Variants in UST observed in about 807,000 individuals in gnomAD.
UST encodes the protein chondroitin sulfate 2-O-sulfotransferase.
A neutral mutation model predicts 45.6 loss-of-function variants in UST; 21 were observed. The ratio of observed to expected loss-of-function variants is 0.46; its 90% CI spans 0.33 to 0.66. The LOEUF is 0.66. UST is among the 30% of genes least tolerant of loss of function. UST has a pLI of 0.02. For synonymous variants in UST, 215 were observed against 200.6 expected, an observed-to-expected ratio of 1.07 and a Z score of -0.61; for missense variants, 463 against 512.4, an observed-to-expected ratio of 0.90 and a Z score of 0.93.
chr6:148,822,852 G>C (rs1208922565), intron 1 of UST, among the ~76,000 whole-genome samples: 3 of 152,152 alleles, frequency 2.0e-5, no homozygotes, highest in African/African-American at 4.8e-5. Context: ...AAACATTTCT[G>C]TGTGTGTGTA....
chr6:149,015,430 G>A (rs773921964), intron 5 of UST, among the ~76,000 whole-genome samples: 14 of 152,126 alleles, frequency 9.2e-5, no homozygotes, highest in Middle Eastern at 3.2e-3. Flanking sequence ...GGGGTCTTAT[G>A]TTAAGACCCA....
chr6:149,063,586 A>G (rs1776688821), intron 7 of UST, among the ~76,000 whole-genome samples: 1 of 152,216 alleles, frequency 6.6e-6, no homozygotes, highest in South Asian at 2.1e-4. Context: ...CTCGCTAAGG[A>G]CCCAGCATTT....
intron 1 of UST, among the ~76,000 whole-genome samples, chr6:148,884,234 A>G (rs1217357071): frequency 1.3e-5 from 2 of 152,122 alleles, no homozygotes; most frequent in Non-Finnish European, 2.9e-5. Context: ...AGATTTTGGT[A>G]TAAAGAGTTA....
intron 3 of UST, among the ~76,000 whole-genome samples, chr6:148,949,533 A>T (rs1034011916): frequency 6.6e-6 from 1 of 152,008 alleles, no homozygotes; most frequent in South Asian, 2.1e-4. Flanking sequence ...TGATGGTGTT[A>T]TGTCCTGGAT....
At chr6:148,938,891 AAAAG>A in intron 2 of UST, among the ~76,000 whole-genome samples, 1 of 152,030 alleles carries the variant, frequency 6.6e-6, no homozygotes, top group East Asian at 1.9e-4. Flanking sequence ...TTAGAAAGGA[AAAAG>A]AAAGGAAAGA....
chr6:149,003,439 CAAAACAA>C (rs1012759237), intron 5 of UST, among the ~76,000 whole-genome samples: 11 of 129,164 alleles, frequency 8.5e-5, no homozygotes, highest in Non-Finnish European at 1.5e-4. Flanking sequence ...TGGTAAAAAA[CAAAACAA>C]AAAAAAAAAA....
chr6:148,769,577 C>A (rs1409810396), intron 1 of UST, among the ~76,000 whole-genome samples: 1 of 152,198 alleles, frequency 6.6e-6, no homozygotes, highest in Non-Finnish European at 1.5e-5. Flanking sequence ...TCTATAACAC[C>A]ACCATCAAAT....
chr6:148,877,760 G>A (rs1325803013), intron 1 of UST, among the ~76,000 whole-genome samples: 9 of 141,084 alleles, frequency 6.4e-5, no homozygotes, highest in African/African-American at 2.2e-4. Flanking sequence ...GTATGAGTGT[G>A]AGGGGTCATG....
intron 5 of UST, among the ~76,000 whole-genome samples, chr6:148,979,339 C>T: frequency 6.6e-6 from 1 of 152,160 alleles, no homozygotes; most frequent in Non-Finnish European, 1.5e-5. Flanking sequence ...TGAAAAACAA[C>T]TGGAGGCTTA....
intron 4 of UST, among the ~76,000 whole-genome samples, chr6:148,956,803 A>C (rs1437039568): frequency 6.6e-6 from 1 of 152,210 alleles, no homozygotes; most frequent in East Asian, 1.9e-4. Flanking sequence ...GGACTTCTGC[A>C]GTCAACATTA....
chr6:148,849,061 TTCC>T, intron 1 of UST, among the ~76,000 whole-genome samples: 2 of 152,282 alleles, frequency 1.3e-5, no homozygotes, highest in South Asian at 4.2e-4. Flanking sequence ...TAATTTGCCC[TTCC>T]TCCTCCTTTT....
intron 5 of UST, among the ~76,000 whole-genome samples, chr6:148,994,065 G>A (rs904911775): frequency 1.3e-4 from 18 of 139,846 alleles, no homozygotes; most frequent in African/African-American, 4.6e-4. Flanking sequence ...TGCCTCCCAA[G>A]TTCAAGCGAT....
At chr6:148,913,911 A>G (rs944766562) in intron 2 of UST, among the ~76,000 whole-genome samples, 1 of 152,202 alleles carries the variant, frequency 6.6e-6, no homozygotes, top group African/African-American at 2.4e-5. Context: ...TTACCAACTT[A>G]TGGTGCTAGG....
At chr6:148,809,126 C>G (rs765024777) in intron 1 of UST, among the ~76,000 whole-genome samples, 36 of 152,374 alleles carry the variant, frequency 2.4e-4, no homozygotes, top group Non-Finnish European at 4.4e-4. Context: ...GTCACCAACT[C>G]AAACCTCAGC....
chr6:148,953,771 C>CAACA, intron 3 of UST, 101 bp from the exon 4 acceptor site: 2 of 261,886 alleles, frequency 7.6e-6, no homozygotes, highest in Non-Finnish European at 1.2e-5. Flanking sequence ...GACTCCATCT[C>CAACA]AAAAAAAAAA....
chr6:148,900,364 C>G (rs532145271), intron 2 of UST, among the ~76,000 whole-genome samples: 2 of 152,160 alleles, frequency 1.3e-5, no homozygotes, highest in Non-Finnish European at 2.9e-5. Context: ...CCAATAATCC[C>G]CACGTGTTGT....
chr6:148,972,578 G>T (rs1696103920), intron 5 of UST, among the ~76,000 whole-genome samples: 1 of 152,226 alleles, frequency 6.6e-6, no homozygotes. Context: ...TCCATGCAAG[G>T]TCCCATCAGG....
intron 1 of UST, among the ~76,000 whole-genome samples, chr6:148,806,634 C>T (rs776860748): frequency 1.2e-4 from 19 of 152,140 alleles, no homozygotes; most frequent in Non-Finnish European, 2.5e-4. Flanking sequence ...CCATCGCACC[C>T]GGCCCCCTAT....
At chr6:148,804,593 T>C (rs1777112948) in intron 1 of UST, among the ~76,000 whole-genome samples, 8 of 152,186 alleles carry the variant, frequency 5.3e-5, no homozygotes, top group Admixed American at 4.6e-4. Context: ...TTTCTGGAAG[T>C]GTGTTTCAGG....
Sources: gnomAD v4.1 joint callset for allele counts (sites outside exome capture counted in the v4.1 genomes callset) on GRCh38, gnomAD v4.1.1 for gene constraint, MANE v1.5 for transcripts, NCBI Gene and HGNC (gene_info 2026-07-23, HGNC 2026-07-21) for gene names.